Variants in EPHA3 observed in about 807,000 individuals in gnomAD.
EPHA3 encodes the protein ephrin type-A receptor 3.
Under a neutral mutation model 107.1 loss-of-function variants are expected in EPHA3, and 42 were observed. The observed-to-expected ratio is 0.39, with a 90% CI of 0.31 to 0.51. The LOEUF is 0.51. EPHA3 is among the 20% of genes least tolerant of loss of function. The probability of loss-of-function intolerance (pLI) is 0.78; values close to 1 mark genes in which losing one functional copy is unlikely to be tolerated. For missense variants in EPHA3, 1,183 were observed against 1,211.2 expected (o/e 0.98, Z 0.35); for synonymous variants, 461 against 424.8 (o/e 1.09, Z -1.05).
chr3:89,293,881 T>C (rs1166389848), intron 3 of EPHA3, among the ~76,000 whole-genome samples: 1 of 152,148 alleles, frequency 6.6e-6, no homozygotes, highest in East Asian at 1.9e-4. Context: ...CAACTAATCA[T>C]CTCTGTAGTT....
intron 15 of EPHA3, 123 bp downstream of exon 15, chr3:89,450,493 G>T (rs1166826402): frequency 9.6e-6 from 8 of 836,994 alleles, no homozygotes; most frequent in Non-Finnish European, 1.3e-5. Context: ...CACCATATTA[G>T]AGAGATGTAT....
chr3:89,327,027 G>C (rs1707181921), intron 3 of EPHA3, among the ~76,000 whole-genome samples: 1 of 152,008 alleles, frequency 6.6e-6, no homozygotes, highest in Admixed American at 6.6e-5. Context: ...TTTTTCGGTT[G>C]CCTTATATAA....
intron 15 of EPHA3, among the ~76,000 whole-genome samples, chr3:89,455,082 G>A (rs529906198): frequency 5.5e-4 from 83 of 152,092 alleles, no homozygotes; most frequent in Non-Finnish European, 8.8e-4. Context: ...AATTTTATTC[G>A]AAAACTATTT....
intron 5 of EPHA3, among the ~76,000 whole-genome samples, chr3:89,375,382 C>T (rs892998157): frequency 4.0e-5 from 6 of 151,580 alleles, no homozygotes; most frequent in African/African-American, 1.5e-4. Context: ...AAAACACAGG[C>T]AGGGGAGCAT....
intron 3 of EPHA3, among the ~76,000 whole-genome samples, chr3:89,261,444 A>G (rs1377900604): frequency 1.3e-5 from 2 of 152,046 alleles, no homozygotes; most frequent in Admixed American, 6.6e-5. Context: ...GTTCTTCTCC[A>G]TGCGGACCTT....
At chr3:89,435,122 G>T (rs1253050590) in intron 13 of EPHA3, among the ~76,000 whole-genome samples, 2 of 150,370 alleles carry the variant, frequency 1.3e-5, no homozygotes, top group African/African-American at 5.0e-5. Flanking sequence ...GCTAAATGAG[G>T]CAGCATTCTA....
intron 2 of EPHA3, among the ~76,000 whole-genome samples, chr3:89,167,020 T>G (rs1705087244): frequency 6.6e-6 from 1 of 152,186 alleles, no homozygotes; most frequent in African/African-American, 2.4e-5. Context: ...GAGCATCCTT[T>G]GTTTCGTACA....
chr3:89,440,811 C>A, intron 13 of EPHA3, among the ~76,000 whole-genome samples: 1 of 152,182 alleles, frequency 6.6e-6, no homozygotes, highest in Non-Finnish European at 1.5e-5. Flanking sequence ...TTATTCATCT[C>A]CTTTACCTTT....
At chr3:89,160,175 A>T (rs1390511490) in intron 2 of EPHA3, among the ~76,000 whole-genome samples, 1 of 152,080 alleles carries the variant, frequency 6.6e-6, no homozygotes, top group Non-Finnish European at 1.5e-5. Context: ...CATAATATAT[A>T]ATATATTAGA....
chr3:89,262,992 A>ATTTTTTT (rs1705456633), intron 3 of EPHA3, among the ~76,000 whole-genome samples: 1 of 71,866 alleles, frequency 1.4e-5, no homozygotes, highest in Non-Finnish European at 3.1e-5. Flanking sequence ...TTTTTTTTTA[A>ATTTTTTT]TTATACTTTA....
chr3:89,154,058 T>C (rs1429363379), intron 2 of EPHA3, among the ~76,000 whole-genome samples: 2 of 152,056 alleles, frequency 1.3e-5, no homozygotes, highest in Non-Finnish European at 2.9e-5. Context: ...CATTTATTTC[T>C]GTTCTCTTCA....
At chr3:89,387,302 C>T (rs924840645) in intron 5 of EPHA3, among the ~76,000 whole-genome samples, 76 of 152,190 alleles carry the variant, frequency 5.0e-4, no homozygotes, top group Non-Finnish European at 1.5e-4. Flanking sequence ...CAGTTACACT[C>T]ATGCCATTCT....
At chr3:89,430,973 T>C (rs1320754882) in intron 12 of EPHA3, among the ~76,000 whole-genome samples, 177 bp from the exon 13 acceptor site, 1 of 152,202 alleles carries the variant, frequency 6.6e-6, no homozygotes, top group Non-Finnish European at 1.5e-5. Flanking sequence ...ATAGCCAGTG[T>C]GTTATTTTGT....
intron 12 of EPHA3, among the ~76,000 whole-genome samples, chr3:89,430,401 T>G (rs1410891934): frequency 6.6e-6 from 1 of 152,160 alleles, no homozygotes; most frequent in Non-Finnish European, 1.5e-5. Context: ...TAATAGCAAT[T>G]ATTTTCATAA....
intron 9 of EPHA3, among the ~76,000 whole-genome samples, chr3:89,411,268 GT>G (rs1278562438): frequency 6.6e-6 from 1 of 151,700 alleles, no homozygotes; most frequent in Admixed American, 6.6e-5. Flanking sequence ...TCCACTCAGA[GT>G]TTGTCCAAAG....
chr3:89,170,456 T>C (rs995962510), intron 2 of EPHA3, among the ~76,000 whole-genome samples: 1 of 152,154 alleles, frequency 6.6e-6, no homozygotes, highest in African/African-American at 2.4e-5. Flanking sequence ...TCTGTCCTGA[T>C]GGAAATGGAA....
intron 3 of EPHA3, among the ~76,000 whole-genome samples, chr3:89,261,642 T>C (rs912620712): frequency 1.3e-5 from 2 of 152,088 alleles, no homozygotes; most frequent in African/African-American, 4.8e-5. Context: ...TTGACAAAAG[T>C]AATTTCTGGA....
chr3:89,351,280 G>A (rs1375756716), intron 5 of EPHA3, among the ~76,000 whole-genome samples: 11 of 151,316 alleles, frequency 7.3e-5, no homozygotes, highest in African/African-American at 1.9e-4. Context: ...TTCCGTGGGC[G>A]TAGGACCCTC....
intron 11 of EPHA3, among the ~76,000 whole-genome samples, chr3:89,424,652 G>A (rs1709421855): frequency 6.6e-6 from 1 of 150,706 alleles, no homozygotes; most frequent in African/African-American, 2.4e-5. Flanking sequence ...TTCCAATTAG[G>A]CAAGCAAATA....
Sources: allele counts gnomAD v4.1 joint callset (sites outside exome capture counted in the v4.1 genomes callset), GRCh38; gene constraint gnomAD v4.1.1; transcripts MANE v1.5; gene names NCBI Gene and HGNC (gene_info 2026-07-23, HGNC 2026-07-21).